BCKDHB: variants seen among roughly 807,000 people sequenced by gnomAD.
The protein encoded by BCKDHB is branched chain keto acid dehydrogenase E1 subunit beta.
A neutral mutation model predicts 48.5 loss-of-function variants in BCKDHB; 41 were observed. That is an observed-to-expected ratio of 0.85 (90% CI 0.66 to 1.10). BCKDHB has a LOEUF of 1.10. Ranked by LOEUF, BCKDHB falls within the 50% of genes least tolerant of loss-of-function variation. The probability of loss-of-function intolerance (pLI) is 0.00; values close to 1 mark genes in which losing one functional copy is unlikely to be tolerated. For missense variants in BCKDHB, 496 were observed against 494.2 expected, an observed-to-expected ratio of 1.00 and a Z score of -0.03; for synonymous variants, 201 against 174.8, an observed-to-expected ratio of 1.15 and a Z score of -1.18.
chr6:80,448,227 T>A, the BCKDHB span, among the ~76,000 whole-genome samples: 1 of 152,062 alleles, frequency 6.6e-6, no homozygotes, highest in Admixed American at 6.6e-5. Flanking sequence ...TTTAGGGTAG[T>A]GTAGCTGGAA....
the BCKDHB span, chr6:80,374,092 G>A: frequency 2.3e-5 from 16 of 698,708 alleles, no homozygotes; most frequent in Non-Finnish European, 3.7e-5. Flanking sequence ...TCTTCTTCTG[G>A]TTTAGGAGCA....
chr6:80,280,472 C>T (rs571643102), intron 9 of BCKDHB, among the ~76,000 whole-genome samples: 5 of 151,968 alleles, frequency 3.3e-5, no homozygotes, highest in Admixed American at 3.3e-4. Context: ...ACATTTTGGT[C>T]AACAATGGAC....
the BCKDHB span, among the ~76,000 whole-genome samples, chr6:80,372,705 A>C: frequency 6.6e-6 from 1 of 152,114 alleles, no homozygotes; most frequent in Non-Finnish European, 1.5e-5. Flanking sequence ...TATTGAGATG[A>C]TCATGTGATT....
At chr6:80,422,186 G>A in the BCKDHB span, among the ~76,000 whole-genome samples, 11 of 152,168 alleles carry the variant, frequency 7.2e-5, no homozygotes, top group East Asian at 1.9e-4. Context: ...TGGCTAAAAG[G>A]GACCAAAGTA....
rs559718154 is a variant in BCKDHB at position 80,140,515 on chromosome 6, G to C, written c.343+11286G>C. On this transcript the variant is annotated intron_variant, in intron 3 of 9. Transcript: ENST00000320393. ...TTTATTGTGAGTTTTTAGCATGAAG[G>C]GTTGTTGAATTTTGTCAAAGGCCTT... Among the ~76,000 whole-genome samples the C allele has an allele frequency of 4.9e-4, 75 of 152,200 alleles. 1 individual carries two copies. The highest frequency in any genetic ancestry group is 1.2e-3 in the African/African-American group (51 of 41,522).
At chr6:80,374,758 G>A in the BCKDHB span, among the ~76,000 whole-genome samples, 5 of 152,092 alleles carry the variant, frequency 3.3e-5, no homozygotes, top group Admixed American at 6.5e-5. Context: ...TGAGATGTAC[G>A]CTTTAAGGAG....
At chr6:80,269,233 G>A (rs1777633339) in intron 8 of BCKDHB, among the ~76,000 whole-genome samples, 1 of 152,078 alleles carries the variant, frequency 6.6e-6, no homozygotes, top group Non-Finnish European at 1.5e-5. Context: ...TAGGGTTCCA[G>A]CAGAACAGGG....
chr6:80,160,360 G>A (rs1772253638), intron 3 of BCKDHB, among the ~76,000 whole-genome samples: 1 of 152,128 alleles, frequency 6.6e-6, no homozygotes, highest in Non-Finnish European at 1.5e-5. Flanking sequence ...GTTTTGCCAT[G>A]TTGGCCAGGC....
chr6:80,298,567 A>G (rs1029133130), intron 9 of BCKDHB, among the ~76,000 whole-genome samples: 1 of 152,232 alleles, frequency 6.6e-6, no homozygotes, highest in Non-Finnish European at 1.5e-5. Flanking sequence ...TAGAACAGAT[A>G]TCAAATCAGA....
chr6:80,382,643 TTC>T, the BCKDHB span, among the ~76,000 whole-genome samples: 1 of 152,138 alleles, frequency 6.6e-6, no homozygotes, highest in Middle Eastern at 3.2e-3. Flanking sequence ...TTCTTCCCAG[TTC>T]TCTCTTTTCT....
intron 9 of BCKDHB, among the ~76,000 whole-genome samples, chr6:80,326,255 G>A (rs932702892): frequency 6.6e-6 from 1 of 152,166 alleles, no homozygotes; most frequent in African/African-American, 2.4e-5. Context: ...TCCGCCATAA[G>A]CTTACTATAG....
chr6:80,348,194 A>G (rs546329965), downstream of BCKDHB, among the ~76,000 whole-genome samples: 55 of 150,090 alleles, frequency 3.7e-4, no homozygotes, highest in Middle Eastern at 6.8e-3. Context: ...TATATAGCTA[A>G]CTAAAAGTTC....
the BCKDHB span, among the ~76,000 whole-genome samples, chr6:80,393,205 A>G: frequency 3.3e-5 from 5 of 152,130 alleles, no homozygotes; most frequent in Non-Finnish European, 7.4e-5. Flanking sequence ...TGATATAGCT[A>G]TCACTAATTC....
intron 3 of BCKDHB, among the ~76,000 whole-genome samples, chr6:80,131,708 T>G (rs2127730729): frequency 6.6e-6 from 1 of 152,132 alleles, no homozygotes; most frequent in South Asian, 2.1e-4. Flanking sequence ...AGTGGTGCGA[T>G]CTTGGCTCAC....
At chr6:80,371,670 G>C in the BCKDHB span, among the ~76,000 whole-genome samples, 26 of 152,092 alleles carry the variant, frequency 1.7e-4, no homozygotes, top group Admixed American at 1.7e-3. Flanking sequence ...TAAGATGAGA[G>C]ATATGGATCC....
chr6:80,371,964 G>C, the BCKDHB span, among the ~76,000 whole-genome samples: 3 of 151,976 alleles, frequency 2.0e-5, no homozygotes, highest in Non-Finnish European at 4.4e-5. Flanking sequence ...GGCTATGTGG[G>C]CTCTTTTTTT....
At chr6:80,218,363 TA>T (rs1439598649) in intron 8 of BCKDHB, among the ~76,000 whole-genome samples, 3 of 152,180 alleles carry the variant, frequency 2.0e-5, no homozygotes, top group Non-Finnish European at 4.4e-5. Context: ...GAGAATATGT[TA>T]AAAAGTTTTA....
At chr6:80,125,631 ATAT>A (rs1308143996) in intron 1 of BCKDHB, among the ~76,000 whole-genome samples, 1 of 152,154 alleles carries the variant, frequency 6.6e-6, no homozygotes, top group Non-Finnish European at 1.5e-5. Flanking sequence ...TCTAATTTTC[ATAT>A]TATTATGTCT....
chr6:80,110,017 C>T (rs1210237621), intron 1 of BCKDHB, among the ~76,000 whole-genome samples: 1 of 152,214 alleles, frequency 6.6e-6, no homozygotes, highest in East Asian at 1.9e-4. Flanking sequence ...TTCTGCTTTT[C>T]ACATGTCCTG....
Sources: gnomAD v4.1 joint callset for allele counts (sites outside exome capture counted in the v4.1 genomes callset) on GRCh38, gnomAD v4.1.1 for gene constraint, MANE v1.5 for transcripts, NCBI Gene and HGNC (gene_info 2026-07-23, HGNC 2026-07-21) for gene names.